Variants in TRPV2 observed in about 807,000 individuals in gnomAD.
The protein encoded by TRPV2 is OTRPC2.
TRPV2 carries 58 observed loss-of-function variants against 91.0 expected under a neutral mutation model. The observed-to-expected ratio is 0.64, with a 90% CI of 0.52 to 0.79. The LOEUF (loss-of-function observed/expected upper bound fraction) is 0.79, where lower values mean the gene tolerates loss of function less well. TRPV2 is among the 30% of genes least tolerant of loss of function. TRPV2 has a pLI of 0.00. For synonymous variants in TRPV2, 417 were observed against 414.8 expected, an observed-to-expected ratio of 1.01 and a Z score of -0.06; for missense variants, 807 against 969.6, an observed-to-expected ratio of 0.83 and a Z score of 2.23.
At chr17:16,431,532 C>A (rs990276900) in intron 10 of TRPV2, among the ~76,000 whole-genome samples, 9 of 151,934 alleles carry the variant, frequency 5.9e-5, no homozygotes, top group Admixed American at 3.3e-4. Flanking sequence ...CTCCCAACCT[C>A]AGGTAATCTG....
intron 2 of TRPV2, 124 bp downstream of exon 2, chr17:16,417,992 G>A: frequency 2.0e-6 from 2 of 988,508 alleles, no homozygotes; most frequent in Non-Finnish European, 3.0e-6. Context: ...GGAGTCCTCA[G>A]TCTGGCCCTG....
chr17:16,417,529 C>T, intron 1 of TRPV2, 33 bp from the exon 2 acceptor site: 1 of 853,154 alleles, frequency 1.2e-6, no homozygotes, highest in South Asian at 1.7e-5. Flanking sequence ...CCACGCCCAG[C>T]CTTTTGCACT....
intron 5 of TRPV2, among the ~76,000 whole-genome samples, chr17:16,424,783 T>G (rs537942900): frequency 2.6e-4 from 40 of 151,442 alleles, no homozygotes; most frequent in African/African-American, 9.0e-4. Flanking sequence ...GAATTTTATG[T>G]TTTTTTTGCT....
intron 2 of TRPV2, 69 bp downstream of exon 2, chr17:16,417,937 G>T: frequency 7.0e-7 from 1 of 1,420,750 alleles, no homozygotes. Flanking sequence ...CCCGGAGTGA[G>T]ACTCATTGAC....
At chr17:16,418,583 G>A (rs1325105258) in intron 2 of TRPV2, among the ~76,000 whole-genome samples, 1 of 152,106 alleles carries the variant, frequency 6.6e-6, no homozygotes, top group Non-Finnish European at 1.5e-5. Flanking sequence ...GCAGGCTAGA[G>A]CTGCTTCCTG....
rs956015863 is a variant in TRPV2 at position 16,426,419 on chromosome 17, A to G, written c.1095+150A>G. The stretch of plus-strand genomic sequence containing the variant: ...TGTCCCAGCAGGCACGACCCTGACC[A>G]TGGCCACCGGGCCCATACTCAATCC... On this transcript the variant is annotated intron_variant, in intron 6 of 14. Transcript: ENST00000338560. This position sits in a 1 kb window ranked among gnomAD's most constrained non-coding sequence, Gnocchi z 6.0. The G allele has an allele frequency of 6.9e-6, 7 of 1,018,724 alleles. No homozygotes were observed. The highest frequency in any genetic ancestry group is 8.5e-6 in the Non-Finnish European group (6 of 704,090). The allele number at this position is 1,018,724 out of a possible 1,614,324, so 63.1% of individuals were successfully genotyped here. A position where few individuals can be genotyped will look rare whatever the true frequency, so the allele number is the denominator to read the frequency against.
intron 2 of TRPV2, chr17:16,419,548 C>T: frequency 2.6e-6 from 1 of 391,606 alleles, no homozygotes; most frequent in Non-Finnish European, 5.1e-6. Context: ...ACATGACCTC[C>T]TTGTTTATCT....
intron 14 of TRPV2, among the ~76,000 whole-genome samples, chr17:16,436,424 G>C (rs549472495): frequency 6.6e-6 from 1 of 152,094 alleles, no homozygotes; most frequent in African/African-American, 2.4e-5. Context: ...GTCTCTGTCG[G>C]AAGTGCTCTT....
At position 16,417,771 on chromosome 17, in the gene TRPV2, G is replaced by A. The variant is rs147460741; in HGVS notation, c.103G>A (p.Gly35Arg). 3.5e-5 allele frequency: 57 copies of A among 1,614,176 alleles called. No individual in the cohort carries two copies. In the East Asian group the frequency reaches 3.6e-4, roughly 10 times the overall value. Residue 35 changes from glycine to arginine, a missense_variant, in exon 2 of 15, where the codon GGG becomes AGG. Transcript: ENST00000338560. ...ADRGKLDFGSGLPPMESQFQG... is the reference protein window; with the variant it reads ...ADRGKLDFGSRLPPMESQFQG... The stretch of plus-strand genomic sequence containing the variant: ...CAGAGGAAAGCTGGATTTTGGGAGC[G>A]GGCTGCCTCCCATGGAGTCACAGTT...
At chr17:16,436,713 G>T in intron 14 of TRPV2, 76 bp from the exon 15 acceptor site, 1 of 1,026,158 alleles carries the variant, frequency 9.7e-7, no homozygotes. Flanking sequence ...TCATGACTGT[G>T]GCCCCGTTTC....
At chr17:16,428,715 G>A in intron 9 of TRPV2, 102 bp from the exon 10 acceptor site, 1 of 1,370,446 alleles carries the variant, frequency 7.3e-7, no homozygotes, top group Non-Finnish European at 1.0e-6. Flanking sequence ...GAGGTTAAAT[G>A]TCTTGCCTAA....
rs2093436447 is a variant in TRPV2 at position 16,436,987 on chromosome 17, A to G, written c.*98A>G. On this transcript the variant is annotated 3_prime_UTR_variant, in exon 15 of 15. Transcript: ENST00000338560. ...CCCAGTGAATTCTGGTGGCAAATAT[A>G]TATTTTCACTAACTAACTCTTCTGG... The G allele has an allele frequency of 1.5e-5, 14 of 938,738 alleles. No homozygotes were observed. The South Asian group carries it at 1.7e-4, about 11-fold the overall frequency. The allele number at this position is 938,738 out of a possible 1,614,324, so 58.2% of individuals were successfully genotyped here.
chr17:16,426,239 G>C lies in TRPV2; in HGVS notation c.1065G>C (p.Leu355=). 1 of 1,614,186 alleles carries C rather than the reference G, an allele frequency of 6.2e-7. No individual in the cohort carries two copies. The highest frequency in any genetic ancestry group is 8.5e-7 in the Non-Finnish European group (1 of 1,180,030). ...SVDSCEENSV[L]EIIAFHCKSP... is the part of the protein sequence containing the mutation. ...ACAGCTGTGAGGAGAACTCAGTGCTGGAGATCATTGCCTTTCATTGCAAGA... is the reference window on the plus strand; with the variant it reads ...ACAGCTGTGAGGAGAACTCAGTGCTCGAGATCATTGCCTTTCATTGCAAGA... Residue 355 remains leucine, a synonymous_variant, in exon 6 of 15, where the codon CTG becomes CTC. Transcript: ENST00000338560. This position sits in a 1 kb window ranked among gnomAD's most constrained non-coding sequence, Gnocchi z 6.0.
intron 14 of TRPV2, 145 bp from the exon 15 acceptor site, chr17:16,436,643 AG>A: frequency 1.5e-6 from 1 of 656,546 alleles, no homozygotes; most frequent in Non-Finnish European, 2.8e-6. Context: ...TGAGGGAAGC[AG>A]GGAGAAGGAT....
intron 1 of TRPV2, among the ~76,000 whole-genome samples, chr17:16,417,177 T>C (rs2093334824): frequency 6.6e-6 from 1 of 151,480 alleles, no homozygotes; most frequent in South Asian, 2.1e-4. Flanking sequence ...GGGGCTGGGC[T>C]CCCACACAGT....
chr17:16,417,523 G>A (rs574514825), intron 1 of TRPV2, 39 bp from the exon 2 acceptor site: 34 of 796,248 alleles, frequency 4.3e-5, no homozygotes, highest in South Asian at 3.3e-4. Context: ...CAGCCACCAC[G>A]CCCAGCCTTT....
intron 2 of TRPV2, among the ~76,000 whole-genome samples, chr17:16,419,128 G>A (rs917422594): frequency 4.6e-5 from 7 of 152,116 alleles, no homozygotes; most frequent in African/African-American, 1.7e-4. Context: ...GGACCTGAGG[G>A]TCTACAAATC....
chr17:16,426,750 C>G lies in TRPV2; in HGVS notation c.1124C>G (p.Pro375Arg), dbSNP rs762029040. 3 of 1,614,008 alleles carry G rather than the reference C, an allele frequency of 1.9e-6. No individual in the cohort carries two copies. The highest frequency in any genetic ancestry group is 2.2e-5 in the East Asian group (1 of 44,888). ...PHRHRMVVLE[P>R]LNKLLQAKWD... ...CGACACCGAATGGTCGTTTTGGAGCCCCTGAACAAACTGCTGCAGGCGAAA... is the reference window on the plus strand; with the variant it reads ...CGACACCGAATGGTCGTTTTGGAGCGCCTGAACAAACTGCTGCAGGCGAAA... The change falls in exon 7 of 15, where the codon CCC (proline) becomes CGC (arginine). Residue 375 changes from proline to arginine, a missense_variant. Coordinates refer to ENST00000338560, the MANE Select transcript of TRPV2 (RefSeq NM_016113.5). This position sits in a 1 kb window ranked among gnomAD's most constrained non-coding sequence, Gnocchi z 6.0.
rs564931350 is a variant in TRPV2 at position 16,416,904 on chromosome 17, C to T, written c.-107-658C>T. On this transcript the variant is annotated intron_variant, in intron 1 of 14. Transcript: ENST00000338560. ...GAGTGACTGGCCCCATCCCAGTCAT[C>T]GCACTTTTATCTGTTGGAATATTGG... Among the ~76,000 whole-genome samples, 4 of 152,322 alleles carry T rather than the reference C, an allele frequency of 2.6e-5. No individual in the cohort carries two copies. In the South Asian group the frequency reaches 6.2e-4, roughly 24 times the overall value.
Sources: allele counts gnomAD v4.1 joint callset (sites outside exome capture counted in the v4.1 genomes callset), GRCh38; gene constraint gnomAD v4.1.1; non-coding constraint Gnocchi (gnomAD v3.1); transcripts MANE v1.5; gene names NCBI Gene and HGNC (gene_info 2026-07-23, HGNC 2026-07-21).